The following TIAM2 variants were observed in gnomAD, a reference collection of about 807,000 sequenced individuals.
The protein encoded by TIAM2 is TIAM Rac1 associated GEF 2, also known as rho guanine nucleotide exchange factor TIAM2.
In TIAM2, 80 loss-of-function variants were observed where a neutral mutation model predicts 152.9. That is an observed-to-expected ratio of 0.52 (90% confidence interval 0.44 to 0.63). The LOEUF is 0.63. Ranked by LOEUF, TIAM2 falls within the 30% of genes least tolerant of loss-of-function variation. The probability of loss-of-function intolerance (pLI) is 0.00; values close to 1 mark genes in which losing one functional copy is unlikely to be tolerated. For missense variants in TIAM2, 1,965 were observed against 2,120.1 expected (o/e 0.93, Z 1.44); for synonymous variants, 804 against 838.0 (o/e 0.96, Z 0.70).
chr6:155,243,905 A>T, intron 16 of TIAM2, 106 bp from the exon 17 acceptor site: 3 of 694,024 alleles, frequency 4.3e-6, no homozygotes, highest in East Asian at 3.0e-5. Context: ...AAACTTCATT[A>T]TCCTGATGGG....
intron 2 of TIAM2, among the ~76,000 whole-genome samples, chr6:155,092,141 C>T (rs562853176): frequency 1.1e-3 from 158 of 150,242 alleles, no homozygotes; most frequent in Non-Finnish European, 2.0e-3. Context: ...TCAAGTGATC[C>T]GCCTGCCTCA....
In TIAM2 at chr6:155,211,431, T is replaced by C; in HGVS notation, c.3168+124T>C. On this transcript the variant is annotated intron_variant, in intron 15 of 26. Transcript: ENST00000682666. ...CTAGGTCCAGCAGTTGATACAAACATACATATATATGTTAAGGATACAGCT... is the reference window on the plus strand; with the variant it reads ...CTAGGTCCAGCAGTTGATACAAACACACATATATATGTTAAGGATACAGCT... The C allele has an allele frequency of 4.6e-6, 3 of 659,220 alleles. No individual in the cohort carries two copies. The South Asian group carries it at 5.6e-5, about 12-fold the overall frequency. The allele number at this position is 659,220 out of a possible 1,614,324, so 40.8% of individuals were successfully genotyped here. A position where few individuals can be genotyped will look rare whatever the true frequency, so the allele number is the denominator to read the frequency against.
intron 1 of TIAM2, among the ~76,000 whole-genome samples, chr6:155,036,722 A>T (rs1332628391): frequency 6.6e-6 from 1 of 151,338 alleles, no homozygotes; most frequent in African/African-American, 2.4e-5. Context: ...GGTTCAAGCG[A>T]TTCTCCTGCT....
At chr6:155,226,670 G>C (rs1011373208) in intron 15 of TIAM2, among the ~76,000 whole-genome samples, 1 of 151,854 alleles carries the variant, frequency 6.6e-6, no homozygotes, top group African/African-American at 2.4e-5. Flanking sequence ...CATCTCGGGT[G>C]GGGGCGGGGG....
At position 155,148,354 on chromosome 6, in the gene TIAM2, G is replaced by A. The variant is rs1339184287; in HGVS notation, c.2028+20G>A. ...AACCAGGTACTGTTTGTCTACACCTGAGTTTTCTTCCATTGCTCATGTCAC... is the reference window on the plus strand; with the variant it reads ...AACCAGGTACTGTTTGTCTACACCTAAGTTTTCTTCCATTGCTCATGTCAC... On this transcript the variant is annotated intron_variant, in intron 7 of 26. Coordinates refer to ENST00000682666, the MANE Select transcript of TIAM2 (RefSeq NM_012454.4). 6.2e-7 allele frequency: 1 copy of A among 1,602,632 alleles called. No individual in the cohort carries two copies. The highest frequency in any genetic ancestry group is 8.5e-7 in the Non-Finnish European group (1 of 1,174,458).
At position 155,083,367 on chromosome 6, in the gene TIAM2, AAGAGAG is replaced by A. The variant is rs796368340; in HGVS notation, c.-208-6908_-208-6903del. Among the ~76,000 whole-genome samples, 15 of 119,294 alleles carry A rather than the reference AAGAGAG, an allele frequency of 1.3e-4. 1 individual carries two copies. The highest frequency in any genetic ancestry group is 3.4e-4 in the African/African-American group (12 of 35,016). The allele number at this position is 119,294 out of a possible 152,430, so 78.3% of individuals were successfully genotyped here. A position where few individuals can be genotyped will look rare whatever the true frequency, so the allele number is the denominator to read the frequency against. On this transcript the variant is annotated intron_variant, in intron 1 of 26. Transcript: ENST00000682666. ...TTATCTCAAAAAAAAAAAAAAAAAA[AAGAGAG>A]AGAGAGAGAGAGATGGGCAAGACAC... is the stretch of plus-strand genomic sequence containing the variant.
At chr6:155,253,140 A>C (rs1018782120) in intron 24 of TIAM2, 87 bp downstream of exon 24, 39 of 1,145,896 alleles carry the variant, frequency 3.4e-5, no homozygotes, top group Admixed American at 1.0e-4. Context: ...CCTTGGGGAT[A>C]ATTTTTGGTG....
rs189818783 is a variant in TIAM2 at position 155,114,247 on chromosome 6, G to C, written c.-117-13243G>C. ...ATTTGTATTTTTTTGTAGAGATGGG[G>C]TTTCACTGTGTTGGCCAGGCTGGTC... On this transcript the variant is annotated intron_variant, in intron 2 of 26. Coordinates refer to ENST00000682666, the MANE Select transcript of TIAM2 (RefSeq NM_012454.4). Among the ~76,000 whole-genome samples the C allele has an allele frequency of 2.5e-3, 370 of 150,992 alleles. 1 individual carries two copies. The highest frequency in any genetic ancestry group is 8.5e-3 in the African/African-American group (352 of 41,172).
At chr6:155,002,069 C>T (rs1044055374) in intron 1 of TIAM2, among the ~76,000 whole-genome samples, 2 of 152,188 alleles carry the variant, frequency 1.3e-5, no homozygotes, top group African/African-American at 2.4e-5. Flanking sequence ...AGGATGACAG[C>T]AGCGCCTTCT....
intron 2 of TIAM2, among the ~76,000 whole-genome samples, chr6:155,113,988 TA>T (rs1211922679): frequency 6.6e-5 from 9 of 137,264 alleles, no homozygotes; most frequent in Admixed American, 4.6e-4. Context: ...TACTTTATCT[TA>T]AAAATGTAAA....
intron 1 of TIAM2, among the ~76,000 whole-genome samples, chr6:155,042,778 C>T (rs1359825263): frequency 7.1e-6 from 1 of 140,494 alleles, no homozygotes; most frequent in Non-Finnish European, 1.6e-5. Context: ...GGTGAGAACG[C>T]TGAAAATCTA....
intron 9 of TIAM2, among the ~76,000 whole-genome samples, chr6:155,172,647 T>A (rs1780614417): frequency 6.4e-5 from 1 of 15,574 alleles, no homozygotes; most frequent in African/African-American, 2.5e-4. Flanking sequence ...TGGAAATATA[T>A]ATATATATAT....
chr6:155,240,826 C>A (rs1414365340), intron 16 of TIAM2, 117 bp downstream of exon 16: 4 of 1,047,418 alleles, frequency 3.8e-6, no homozygotes, highest in South Asian at 3.3e-5. Context: ...CAGGGGGGGA[C>A]ACCTGCTCCT....
intron 1 of TIAM2, among the ~76,000 whole-genome samples, chr6:155,012,337 G>C (rs1778503890): frequency 6.6e-6 from 1 of 152,126 alleles, no homozygotes; most frequent in East Asian, 1.9e-4. Flanking sequence ...ATCCTTAACA[G>C]TATTTTGATT....
At chr6:155,108,415 A>G (rs1290608679) in intron 2 of TIAM2, among the ~76,000 whole-genome samples, 1 of 152,238 alleles carries the variant, frequency 6.6e-6, no homozygotes, top group Non-Finnish European at 1.5e-5. Context: ...GGAACAGTGC[A>G]CTGACCGCCG....
intron 1 of TIAM2, chr6:155,005,337 TG>T: frequency 5.7e-6 from 1 of 175,838 alleles, no homozygotes; most frequent in Non-Finnish European, 1.2e-5. Flanking sequence ...TTTTTGTTTT[TG>T]TTTTTTATTT....
intron 1 of TIAM2, among the ~76,000 whole-genome samples, chr6:155,051,609 T>C (rs1392646805): frequency 6.6e-6 from 1 of 152,046 alleles, no homozygotes; most frequent in Non-Finnish European, 1.5e-5. Flanking sequence ...TTGCAAGATA[T>C]TTTTGGCATA....
intron 1 of TIAM2, among the ~76,000 whole-genome samples, chr6:155,088,052 C>CTTTTTTT (rs113372173): frequency 1.7e-4 from 20 of 118,992 alleles, no homozygotes; most frequent in African/African-American, 3.9e-4. Context: ...TTCTTTCTTT[C>CTTTTTTT]TTTTTTTTTT....
At chr6:155,236,214 G>A (rs1782749331) in intron 15 of TIAM2, among the ~76,000 whole-genome samples, 1 of 151,868 alleles carries the variant, frequency 6.6e-6, no homozygotes, top group Admixed American at 6.6e-5. Context: ...CGTGAGCTCT[G>A]TCCACATACC....
Sources: gnomAD v4.1 joint callset for allele counts (sites outside exome capture counted in the v4.1 genomes callset) on GRCh38, gnomAD v4.1.1 for gene constraint, MANE v1.5 for transcripts, NCBI Gene and HGNC (gene_info 2026-07-23, HGNC 2026-07-21) for gene names.